CDH17: variants seen among roughly 807,000 people sequenced by gnomAD.
CDH17 encodes the protein cadherin-17.
CDH17 carries 67 observed loss-of-function variants against 86.3 expected under a neutral mutation model. That is an observed-to-expected ratio of 0.78 (90% CI 0.64 to 0.95). CDH17 has a LOEUF of 0.95. Among genes scored for constraint, CDH17 ranks in the 40% least tolerant of loss-of-function variants. The pLI, the probability that CDH17 is intolerant of heterozygous loss-of-function variation, is 0.00. For missense variants in CDH17, 993 were observed against 1,017.6 expected (o/e 0.98, Z 0.33); for synonymous variants, 367 against 366.4 (o/e 1.00, Z -0.02).
Position 94,148,726 on chromosome 8 carries a change from T to TTTTTTTTTTTTTTTTTTTC in CDH17, c.1927+17_1927+18insGAAAAAAAAAAAAAAAAAA. 7.0e-7 allele frequency: 1 copy of TTTTTTTTTTTTTTTTTTTC among 1,418,658 alleles called. No homozygotes were observed. Among genetic ancestry groups the TTTTTTTTTTTTTTTTTTTC allele is most frequent in the Non-Finnish European group, 9.2e-7 (1 of 1,091,654 alleles). The allele number at this position is 1,418,658 out of a possible 1,614,324, so 87.9% of individuals were successfully genotyped here. ...ATCTGTGTTCCTTTTTTTTTGTTTT[T>TTTTTTTTTTTTTTTTTTTC]TTTTTTTTTTTGCTTACCTACTTCT... On this transcript the variant is annotated intron_variant, in intron 14 of 17. Coordinates refer to ENST00000027335, the MANE Select transcript of CDH17 (RefSeq NM_004063.4).
At chr8:94,171,270 CTG>C (rs1813265078) in intron 7 of CDH17, among the ~76,000 whole-genome samples, 1 of 152,148 alleles carries the variant, frequency 6.6e-6, no homozygotes, top group African/African-American at 2.4e-5. Context: ...GGAAGTCTGA[CTG>C]TGAAAGCTTT....
intron 5 of CDH17, among the ~76,000 whole-genome samples, chr8:94,176,032 G>A (rs1376226431): frequency 4.6e-5 from 7 of 152,026 alleles, no homozygotes; most frequent in Admixed American, 3.3e-4. Flanking sequence ...AGGACTACAG[G>A]CATGCACCAC....
At chr8:94,133,569 G>C (rs141891019) in intron 15 of CDH17, among the ~76,000 whole-genome samples, 14,642 of 152,202 alleles carry the variant, frequency 0.096, 788 homozygotes, top group Middle Eastern at 0.16. Flanking sequence ...TGAGACAATA[G>C]GGTTTTCTAA....
intron 9 of CDH17, among the ~76,000 whole-genome samples, chr8:94,169,442 C>T (rs910126641): frequency 2.0e-5 from 3 of 152,066 alleles, no homozygotes; most frequent in African/African-American, 7.2e-5. Flanking sequence ...GTGAGCAAGC[C>T]GCTCCAGCAG....
chr8:94,187,068 C>T (rs1813595481), intron 3 of CDH17, among the ~76,000 whole-genome samples: 1 of 152,238 alleles, frequency 6.6e-6, no homozygotes, highest in Non-Finnish European at 1.5e-5. Context: ...GAAACCTCTT[C>T]TGTTCGCTCA....
At chr8:94,200,683 G>A (rs1023007363) in intron 1 of CDH17, among the ~76,000 whole-genome samples, 2 of 151,238 alleles carry the variant, frequency 1.3e-5, no homozygotes, top group African/African-American at 4.9e-5. Flanking sequence ...GCACCTGCTT[G>A]CAGACGGGAA....
intron 1 of CDH17, among the ~76,000 whole-genome samples, chr8:94,208,155 C>G (rs1335595321): frequency 6.6e-6 from 1 of 152,198 alleles, no homozygotes; most frequent in East Asian, 1.9e-4. Flanking sequence ...CTTTTATATA[C>G]TCATCACAAA....
At chr8:94,148,065 C>T (rs568094313) in intron 14 of CDH17, among the ~76,000 whole-genome samples, 65 of 152,252 alleles carry the variant, frequency 4.3e-4, no homozygotes, top group African/African-American at 1.4e-3. Flanking sequence ...TGGTGGTCTA[C>T]GTGAACAGGT....
rs1456171493 is a variant in CDH17 at position 94,145,912 on chromosome 8, A to T, written c.2167+16T>A. ...CATCCATCTATGTTTTTTTCCATGT[A>T]TTTCTGACAACTCACCATTGATTTT... On this transcript the variant is annotated intron_variant, in intron 15 of 17. Transcript: ENST00000027335. The T allele has an allele frequency of 4.4e-6, 7 of 1,605,064 alleles. No homozygotes were observed. The Admixed American group carries it at 5.2e-5, about 12-fold the overall frequency.
rs116009391 is a variant in CDH17 at position 94,208,267 on chromosome 8, T to C, written c.-21+216A>G. ...GCAGCCACTTCATCAAATGAATTTA[T>C]AAAATATGGACCAATGAAAAGAAAC... On this transcript the variant is annotated intron_variant, in intron 1 of 17. Transcript: ENST00000027335. Among the ~76,000 whole-genome samples the C allele has an allele frequency of 9.6e-3, 1,455 of 152,256 alleles. 22 individuals are homozygous for C. Among genetic ancestry groups the C allele is most frequent in the African/African-American group, 0.032 (1,326 of 41,536 alleles).
chr8:94,192,574 C>T (rs900543731), intron 2 of CDH17, among the ~76,000 whole-genome samples: 39 of 152,182 alleles, frequency 2.6e-4, no homozygotes, highest in African/African-American at 9.2e-4. Flanking sequence ...CAAGCCCCAA[C>T]TCTTAACCAC....
chr8:94,195,995 C>T (rs1024115778), intron 1 of CDH17, among the ~76,000 whole-genome samples: 1 of 151,924 alleles, frequency 6.6e-6, no homozygotes, highest in African/African-American at 2.4e-5. Flanking sequence ...CTCCCGACCT[C>T]GTGATCTGCC....
intron 1 of CDH17, among the ~76,000 whole-genome samples, chr8:94,195,415 T>G (rs1414050147): frequency 1.3e-5 from 2 of 152,200 alleles, no homozygotes; most frequent in African/African-American, 4.8e-5. Context: ...TGAAAAGAAC[T>G]AAAGAATGCT....
At chr8:94,165,487 C>T (rs970876211) in intron 10 of CDH17, among the ~76,000 whole-genome samples, 25 of 152,102 alleles carry the variant, frequency 1.6e-4, no homozygotes, top group Admixed American at 5.2e-4. Context: ...TTTTTTCTCA[C>T]GGGCTCCCCC....
chr8:94,136,534 A>C (rs1812531355), intron 15 of CDH17, among the ~76,000 whole-genome samples: 1 of 152,128 alleles, frequency 6.6e-6, no homozygotes, highest in Admixed American at 6.6e-5. Context: ...CTAGTTAGCC[A>C]TTCATCTAAC....
intron 1 of CDH17, among the ~76,000 whole-genome samples, chr8:94,203,292 G>C (rs2129645840): frequency 6.6e-6 from 1 of 152,246 alleles, no homozygotes. Context: ...CTAGCACTAA[G>C]GCTGAGCCAT....
rs143083262 is a variant in CDH17 at position 94,177,116 on chromosome 8, A to C, written c.286-437T>G. On this transcript the variant is annotated intron_variant, in intron 4 of 17. Transcript: ENST00000027335. ...TAGGTATTCAGATACCAACGGTGAA[A>C]ACTAAAGGAGAAAGAGAGGGAGACG... 7.6e-4 allele frequency among the ~76,000 whole-genome samples: 115 copies of C among 152,292 alleles called. 4 individuals are homozygous for C. The East Asian group carries it at 0.018, about 24-fold the overall frequency.
chr8:94,146,274 T>G, intron 14 of CDH17, 107 bp from the exon 15 acceptor site: 2 of 998,126 alleles, frequency 2.0e-6, no homozygotes, highest in Non-Finnish European at 2.7e-6. Flanking sequence ...ACTGAGATGC[T>G]AGAAAGACGA....
chr8:94,158,210 C>T (rs976527868), intron 12 of CDH17, among the ~76,000 whole-genome samples: 2 of 152,108 alleles, frequency 1.3e-5, no homozygotes, highest in African/African-American at 4.8e-5. Flanking sequence ...ATTTATTGAA[C>T]CTCTAATATA....
Sources: allele counts gnomAD v4.1 joint callset (sites outside exome capture counted in the v4.1 genomes callset), GRCh38; gene constraint gnomAD v4.1.1; transcripts MANE v1.5; gene names NCBI Gene and HGNC (gene_info 2026-07-23, HGNC 2026-07-21).